The following FHL1 variants were observed in gnomAD, a reference collection of about 807,000 sequenced individuals.
FHL1 encodes the protein four and a half LIM domains 1.
In FHL1, 1 loss-of-function variant was observed where a neutral mutation model predicts 20.3. That is an observed-to-expected ratio of 0.05 (90% CI 0.02 to 0.23). FHL1 has a LOEUF of 0.23. FHL1 is among the 10% of genes least tolerant of loss of function. The pLI is 1.00. For missense variants in FHL1, 177 were observed against 234.0 expected, an observed-to-expected ratio of 0.76 and a Z score of 1.59; for synonymous variants, 82 against 88.9, an observed-to-expected ratio of 0.92 and a Z score of 0.44.
intron 1 of FHL1, among the ~76,000 whole-genome samples, chrX:136,151,896 C>T (rs1194439434): frequency 9.0e-6 from 1 of 111,726 alleles, no homozygotes; most frequent in East Asian, 2.8e-4. Context: ...TGCCTGGAGC[C>T]TCACAGCTGG....
upstream of FHL1, chrX:136,169,519 AG>A (rs1203888677): frequency 9.2e-5 from 15 of 163,301 alleles, no homozygotes; most frequent in East Asian, 3.0e-4. Flanking sequence ...AGAGAGAGAG[AG>A]AAAAAAAAAG....
rs1314652036 is a variant in FHL1, at chrX:136,209,173, T to G, written c.736+532T>G. On this transcript the variant is annotated intron_variant, in intron 5 of 5. Coordinates refer to ENST00000370683, the MANE Select transcript of FHL1 (RefSeq NM_001159699.2). ...TCCACGTGCCCTGGGCCCTTTCCCT[T>G]GCCTCCAATTTTCCCATCTTCCCGG... 3 of 1,080,242 alleles carry G rather than the reference T, an allele frequency of 2.8e-6. No individual in the cohort carries two copies. In the Admixed American group the frequency reaches 8.6e-5, roughly 31 times the overall value. The allele number at this position is 1,080,242 out of a possible 1,213,427, so 89.0% of individuals were successfully genotyped here.
chrX:136,208,046 A>G, intron 4 of FHL1, 85 bp downstream of exon 4: 1 of 1,040,338 alleles, frequency 9.6e-7, no homozygotes. Flanking sequence ...ACACTATCCC[A>G]TTCCATCCTC....
upstream of FHL1, among the ~76,000 whole-genome samples, chrX:136,165,149 A>G (rs181899589): frequency 8.9e-6 from 1 of 112,108 alleles, no homozygotes; most frequent in Admixed American, 9.5e-5. Context: ...TTATATTTCT[A>G]TAACTGGTAA....
At chrX:136,193,560 C>G (rs1217052237), upstream of FHL1, among the ~76,000 whole-genome samples, 1 of 111,563 alleles carries the variant, frequency 9.0e-6, no homozygotes, top group Non-Finnish European at 1.9e-5. Flanking sequence ...AAGTGCCATT[C>G]TTCCCTACAC....
At chrX:136,153,310 TGTTTAATTTCATTTG>T (rs1203711376) in intron 1 of FHL1, among the ~76,000 whole-genome samples, 1 of 108,894 alleles carries the variant, frequency 9.2e-6, no homozygotes, top group Non-Finnish European at 1.9e-5. Context: ...AAGGACCACA[TGTTTAATTTCATTTG>T]CTTCAATTGG....
At chrX:136,209,570 G>C in intron 5 of FHL1, 1 of 694,756 alleles carries the variant, frequency 1.4e-6, no homozygotes, top group Non-Finnish European at 2.1e-6. Context: ...CAATAGCGTG[G>C]TGGCATGGGA....
chrX:136,181,458 A>G (rs2073157401), intron 2 of FHL1, among the ~76,000 whole-genome samples: 1 of 111,911 alleles, frequency 8.9e-6, no homozygotes, highest in Non-Finnish European at 1.9e-5. Context: ...TTCTGGCCCA[A>G]ACTGCTCAAC....
chrX:136,201,096 G>T (rs1475402200), intron 1 of FHL1, among the ~76,000 whole-genome samples: 1 of 111,778 alleles, frequency 8.9e-6, no homozygotes, highest in Non-Finnish European at 1.9e-5. Flanking sequence ...CCTGGGAGGC[G>T]GAAGTTACAG....
chrX:136,169,430 A>C, upstream of FHL1: 1 of 180,343 alleles, frequency 5.5e-6, no homozygotes. Flanking sequence ...ACCCCTCTAA[A>C]TATTCCTCTA....
chrX:136,208,654 G>C lies in FHL1; in HGVS notation c.736+13G>C. 8.3e-7 allele frequency: 1 copy of C among 1,202,745 alleles called. No homozygotes were observed. Among genetic ancestry groups the C allele is most frequent in the East Asian group, 3.0e-5 (1 of 33,802 alleles). The stretch of plus-strand genomic sequence containing the variant: ...AACCCCATCACTGGTAGGCTAAAGA[G>C]TCCTTGCTAAGTCTGCCAGGCTAGG... On this transcript the variant is annotated intron_variant, in intron 5 of 5. Transcript: ENST00000370683.
intron 1 of FHL1, among the ~76,000 whole-genome samples, chrX:136,153,116 C>T (rs989512391): frequency 1.8e-5 from 2 of 111,551 alleles, no homozygotes; most frequent in African/African-American, 6.5e-5. Flanking sequence ...TTATAATACG[C>T]GGCATCAAAT....
intron 2 of FHL1, among the ~76,000 whole-genome samples, chrX:136,184,709 T>G (rs755974107): frequency 5.5e-4 from 61 of 111,634 alleles, no homozygotes; most frequent in Non-Finnish European, 9.6e-4. Context: ...TTGTGAAAAT[T>G]GTGTGAGTCA....
At chrX:136,197,012 G>T (rs2073572856), upstream of FHL1, 3 of 1,064,614 alleles carry the variant, frequency 2.8e-6, 1 homozygote, top group Non-Finnish European at 1.3e-6. Flanking sequence ...TGTGTTAGCC[G>T]CTTCCCCTTA....
chrX:136,149,923 A>G (rs1481875330), intron 1 of FHL1, among the ~76,000 whole-genome samples: 1 of 111,967 alleles, frequency 8.9e-6, no homozygotes, highest in Non-Finnish European at 1.9e-5. Context: ...CCCAAATAGC[A>G]ATTGAAAAAA....
Position 136,210,843 on chromosome X carries a change from A to G in FHL1, c.*818A>G. Reference sequence around the variant, plus strand: ...ATATTTTTGTTTTAATTGATAGCAAAATAGTTTATGGGTTTGGAAACTTGC... The same window carrying G: ...ATATTTTTGTTTTAATTGATAGCAAGATAGTTTATGGGTTTGGAAACTTGC... On this transcript the variant is annotated 3_prime_UTR_variant, in exon 6 of 6. Coordinates refer to ENST00000370683, the MANE Select transcript of FHL1 (RefSeq NM_001159699.2). 1 of 385,330 alleles carries G rather than the reference A, an allele frequency of 2.6e-6. No homozygotes were observed. Among genetic ancestry groups the G allele is most frequent in the South Asian group, 2.6e-5 (1 of 38,778 alleles). The allele number at this position is 385,330 out of a possible 1,213,427, so 31.8% of individuals were successfully genotyped here. A position where few individuals can be genotyped will look rare whatever the true frequency, so the allele number is the denominator to read the frequency against.
intron 1 of FHL1, among the ~76,000 whole-genome samples, chrX:136,201,284 T>C (rs2073701468): frequency 8.9e-6 from 1 of 112,491 alleles, no homozygotes; most frequent in South Asian, 3.7e-4. Context: ...GGCTTTTATA[T>C]GTTGGCATGA....
intron 3 of FHL1, chrX:136,207,431 G>A: frequency 2.3e-6 from 1 of 437,200 alleles, no homozygotes; most frequent in Non-Finnish European, 4.0e-6. Context: ...GAAGTGAACA[G>A]TATGTAGCGC....
chrX:136,177,043 CACAT>C (rs1166288816), intron 2 of FHL1, among the ~76,000 whole-genome samples: 43 of 109,865 alleles, frequency 3.9e-4, no homozygotes, highest in Non-Finnish European at 7.2e-4. Context: ...CACACACACA[CACAT>C]AATGTCTCAA....
Sources: gnomAD v4.1 joint callset for allele counts (sites outside exome capture counted in the v4.1 genomes callset) on GRCh38, gnomAD v4.1.1 for gene constraint, MANE v1.5 for transcripts, NCBI Gene and HGNC (gene_info 2026-07-23, HGNC 2026-07-21) for gene names.